The following MKI67 variants were observed in gnomAD, a reference collection of about 807,000 sequenced individuals.
MKI67 encodes marker of proliferation Ki-67, also known as proliferation marker protein Ki-67.
A neutral mutation model predicts 233.5 loss-of-function variants in MKI67; 152 were observed. The observed-to-expected ratio is 0.65, with a 90% CI of 0.57 to 0.74. MKI67 has a LOEUF of 0.74. MKI67 is among the 30% of genes least tolerant of loss of function. The pLI, the probability that MKI67 is intolerant of heterozygous loss-of-function variation, is 0.00. For synonymous variants in MKI67, 1,465 were observed against 1,418.5 expected (o/e 1.03, Z -0.74); for missense variants, 3,940 against 3,885.2 (o/e 1.01, Z -0.37).
At position 128,110,414 on chromosome 10, in the gene MKI67, C is replaced by A; in HGVS notation, c.2380G>T (p.Gly794Ter). ...LGKQFQGTDSGEEPLLPTSES... is the reference protein window; with the variant it reads ...LGKQFQGTDS ...GAGGTGGGGAGCAGAGGTTCTTCTC[C>A]TGAATCAGTTCCTTGAAACTGTTTT... The change falls in exon 12 of 15, where the codon GGA becomes TGA. Residue 794 changes from glycine (G) to a stop codon, truncating the protein, a stop_gained. Coordinates refer to ENST00000368654, the MANE Select transcript of MKI67 (RefSeq NM_002417.5). LOFTEE classifies it high-confidence loss of function. 2 of 1,580,154 alleles carry A rather than the reference C, an allele frequency of 1.3e-6. No homozygotes were observed. Among genetic ancestry groups the A allele is most frequent in the South Asian group, 1.1e-5 (1 of 87,858 alleles).
At chr10:128,111,372 T>A (rs1482452854) in intron 11 of MKI67, 1 of 306,122 alleles carries the variant, frequency 3.3e-6, no homozygotes. Context: ...TCCAGCTTTC[T>A]ATGTATACGC....
In MKI67 at chr10:128,107,751, C is replaced by T; in HGVS notation, c.4089G>A (p.Val1363=). 1 of 1,613,780 alleles carries T rather than the reference C, an allele frequency of 6.2e-7. No individual in the cohort carries two copies. The highest frequency in any genetic ancestry group is 8.5e-7 in the Non-Finnish European group (1 of 1,179,964). ...GCATTTTAGTAGTTTTGCCAGCAGC[C>T]ACTGCTTCTTCAGTATGACCAGGGG... ...FQTPGHTEEA[V]AAGKTTKMPC... is the part of the protein sequence containing the mutation. The change falls in exon 13 of 15, where the codon GTG becomes GTA. Residue 1363 remains valine, a synonymous_variant. Coordinates refer to ENST00000368654, the MANE Select transcript of MKI67 (RefSeq NM_002417.5).
chr10:128,118,955 G>A (rs1852868159), intron 5 of MKI67, among the ~76,000 whole-genome samples: 2 of 152,320 alleles, frequency 1.3e-5, no homozygotes, highest in African/African-American at 2.4e-5. Flanking sequence ...AGCTCTACGT[G>A]TTGGGGTTAT....
At position 128,114,971 on chromosome 10, in the gene MKI67, A is replaced by C. The variant is rs547135488; in HGVS notation, c.1437T>G (p.Pro479=). The change falls in exon 7 of 15, where the codon CCT becomes CCG. Residue 479 remains proline (P), a synonymous_variant. Coordinates refer to ENST00000368654, the MANE Select transcript of MKI67 (RefSeq NM_002417.5). ...TGTTGATATCAACTGAACTAAGACC[A>C]GGTAACCCAGAGCACATCTGTCCAG... ...TTAGQMCSGL[P]GLSSVDINNF... is the part of the protein sequence containing the mutation. 1 of 1,586,940 alleles carries C rather than the reference A, an allele frequency of 6.3e-7. No individual in the cohort carries two copies. Among genetic ancestry groups the C allele is most frequent in the South Asian group, 1.1e-5 (1 of 88,546 alleles).
In MKI67 at chr10:128,125,629, G is replaced by A; in HGVS notation, c.39C>T (p.Ser13=). Residue 13 remains serine, a synonymous_variant, in exon 2 of 15, where the codon AGC becomes AGT. Coordinates refer to ENST00000368654, the MANE Select transcript of MKI67 (RefSeq NM_002417.5). The surrounding 1 kb of genome is among the most constrained non-coding windows in gnomAD (Gnocchi z 5.3). The stretch of plus-strand genomic sequence containing the variant: ...GGGGAAAGTGGGGACCGTCGACCCC[G>A]CTCCTTTTGATAGTAACCAGGCGTC... ...PTRRLVTIKR[S]GVDGPHFPLS... is the part of the protein sequence containing the mutation. 2.5e-6 allele frequency: 4 copies of A among 1,613,728 alleles called. No individual in the cohort carries two copies. Among genetic ancestry groups the A allele is most frequent in the Non-Finnish European group, 3.4e-6 (4 of 1,179,868 alleles).
Position 128,102,691 on chromosome 10 carries a change from C to G in MKI67, c.9149G>C (p.Arg3050Thr). The change falls in exon 13 of 15, where the codon AGA becomes ACA. Residue 3050 changes from arginine to threonine, a missense_variant. By Grantham distance (71) the Arg-to-Thr change is moderately conservative (BLOSUM62 -1). Transcript: ENST00000368654. Reference sequence around the variant, plus strand: ...TCTTTTTGCAGAAGTCCTCAAACTTCTCTTCATGATGACCACGGGTTCGGA... The same window carrying G: ...TCTTTTTGCAGAAGTCCTCAAACTTGTCTTCATGATGACCACGGGTTCGGA... ...KSSEPVVIMK[R>T]SLRTSAKRIE... The G allele has an allele frequency of 9.9e-6, 16 of 1,614,236 alleles. No individual in the cohort carries two copies. The highest frequency in any genetic ancestry group is 1.4e-5 in the Non-Finnish European group (16 of 1,180,040).
chr10:128,110,849 C>A (rs1411138429), intron 11 of MKI67, among the ~76,000 whole-genome samples: 1 of 152,194 alleles, frequency 6.6e-6, no homozygotes, highest in Non-Finnish European at 1.5e-5. Flanking sequence ...TGGTGACGGG[C>A]TCCTGAGACC....
rs1852271361 is a variant in MKI67 at position 128,098,830 on chromosome 10, C to T, written c.*360G>A. 1 of 171,066 alleles carries T rather than the reference C, an allele frequency of 5.8e-6. No homozygotes were observed. Among genetic ancestry groups the T allele is most frequent in the Non-Finnish European group, 1.2e-5 (1 of 80,592 alleles). The allele number at this position is 171,066 out of a possible 1,614,324, so 10.6% of individuals were successfully genotyped here. A position where few individuals can be genotyped will look rare whatever the true frequency, so the allele number is the denominator to read the frequency against. ...AGGATAGTTGTTCCTGCCACCGTGC[C>T]CTGGAGGACATAGGCAAACAAACGA... On this transcript the variant is annotated 3_prime_UTR_variant, in exon 15 of 15. Coordinates refer to ENST00000368654, the MANE Select transcript of MKI67 (RefSeq NM_002417.5).
At position 128,101,577 on chromosome 10, in the gene MKI67, G is replaced by A. The variant is rs746492931; in HGVS notation, c.9386C>T (p.Pro3129Leu). ...ATCTGGATTCTGAATGTCCATCTCT[G>A]GGGAGGTCTTCATGGGCTTCTTTTC... Reference protein sequence around the residue: ...RNEKKPMKTSPEMDIQNPDDG... With the variant: ...RNEKKPMKTSLEMDIQNPDDG... Residue 3129 changes from proline to leucine, a missense_variant, in exon 14 of 15, where the codon CCA becomes CTA. Coordinates refer to ENST00000368654, the MANE Select transcript of MKI67 (RefSeq NM_002417.5). 3.7e-6 allele frequency: 6 copies of A among 1,614,046 alleles called. No homozygotes were observed. The East Asian group carries it at 1.1e-4, about 30-fold the overall frequency.
At chr10:128,117,892 C>G (rs541382891) in intron 5 of MKI67, among the ~76,000 whole-genome samples, 3 of 152,364 alleles carry the variant, frequency 2.0e-5, no homozygotes, top group African/African-American at 7.2e-5. Context: ...ATATCACAGA[C>G]CAGTAACAGA....
chr10:128,113,379 G>C (rs748424711), intron 8 of MKI67, 48 bp downstream of exon 8: 2 of 1,572,044 alleles, frequency 1.3e-6, no homozygotes, highest in Non-Finnish European at 1.7e-6. Flanking sequence ...ATAGGTACCC[G>C]GTGTGTGAGC....
In MKI67 at chr10:128,106,044, T is replaced by C. The variant is rs1467465347; in HGVS notation, c.5796A>G (p.Gly1932=). Residue 1932 remains glycine, a synonymous_variant, in exon 13 of 15, where the codon GGA becomes GGG. Transcript: ENST00000368654. ...GTPVEKLDLL[G]NLPGSKRRPQ... is the part of the protein sequence containing the mutation. Reference sequence around the variant, plus strand: ...GCCGTCTCTTGCTGCCAGGTAAATTTCCTAGCAGGTCCAGTTTCTCCACTG... The same window carrying C: ...GCCGTCTCTTGCTGCCAGGTAAATTCCCTAGCAGGTCCAGTTTCTCCACTG... The C allele has an allele frequency of 6.2e-7, 1 of 1,614,110 alleles. No individual in the cohort carries two copies. Among genetic ancestry groups the C allele is most frequent in the Non-Finnish European group, 8.5e-7 (1 of 1,180,006 alleles).
rs768327792 is a variant in MKI67 at position 128,104,891 on chromosome 10, C to T, written c.6949G>A (p.Ala2317Thr). The T allele has an allele frequency of 5.0e-6, 8 of 1,611,736 alleles. No individual in the cohort carries two copies. The South Asian group carries it at 5.5e-5, about 11-fold the overall frequency. ...GTCTGGAAGAGCTCTTTGAAGCCAGCCAGGTCTTCTAGAGCCTGGGCCTTT... is the reference window on the plus strand; with the variant it reads ...GTCTGGAAGAGCTCTTTGAAGCCAGTCAGGTCTTCTAGAGCCTGGGCCTTT... ...KEKAQALEDL[A>T]GFKELFQTPG... is the part of the protein sequence containing the mutation. Residue 2317 changes from alanine to threonine, a missense_variant, in exon 13 of 15, where the codon GCT becomes ACT. By Grantham distance (58) the Ala-to-Thr change is moderately conservative. Coordinates refer to ENST00000368654, the MANE Select transcript of MKI67 (RefSeq NM_002417.5).
At chr10:128,118,956 T>C (rs1286103391) in intron 5 of MKI67, among the ~76,000 whole-genome samples, 1 of 152,182 alleles carries the variant, frequency 6.6e-6, no homozygotes. Flanking sequence ...GCTCTACGTG[T>C]TGGGGTTATC....
rs572536493 is a variant in MKI67 at position 128,109,039 on chromosome 10, T to C, written c.2801A>G (p.Glu934Gly). 5.0e-6 allele frequency: 8 copies of C among 1,614,182 alleles called. No homozygotes were observed. The East Asian group carries it at 1.8e-4, about 36-fold the overall frequency. ...ATCGTTTTCTTTTAATTCAATATTT[T>C]CCTTATATGTCTCAAAAGGTCTTTC... ...EIERPFETYK[E>G]NIELKENDEK... The change falls in exon 13 of 15, where the codon GAA (glutamate) becomes GGA (glycine). Residue 934 changes from glutamate to glycine, a missense_variant. Physicochemically the swap from Glu to Gly is moderately conservative, Grantham distance 98. Transcript: ENST00000368654.
chr10:128,101,223 T>C, intron 14 of MKI67, 35 bp downstream of exon 14: 1 of 1,585,508 alleles, frequency 6.3e-7, no homozygotes, highest in Non-Finnish European at 8.6e-7. Flanking sequence ...AAACATTCTG[T>C]GTCTTTTAAA....
intron 14 of MKI67, among the ~76,000 whole-genome samples, chr10:128,100,373 T>C (rs966646898): frequency 6.6e-5 from 10 of 152,014 alleles, no homozygotes; most frequent in African/African-American, 2.4e-4. Context: ...TTTCCTTTTC[T>C]TGGCAGTTGA....
Position 128,104,530 on chromosome 10 carries a change from AG to A in MKI67, c.7309del (p.Leu2437TrpfsTer18). On this transcript the variant is annotated frameshift_variant, in exon 13 of 15. Coordinates refer to ENST00000368654, the MANE Select transcript of MKI67 (RefSeq NM_002417.5). LOFTEE classifies it high-confidence loss of function. ...CTGGAAGAGTTCTTTGAAGCCAACC[AG>A]GTCCTCTAGAGCCTCAGCCTTTTCC... Reference protein sequence around the residue: ...PKEKAEALEDLVGFKELFQTP... With the variant: ...PKEKAEALEDXVGFKELFQTP... 7.4e-6 allele frequency: 12 copies of A among 1,614,170 alleles called. No homozygotes were observed. The highest frequency in any genetic ancestry group is 1.0e-5 in the Non-Finnish European group (12 of 1,180,032).
At chr10:128,109,789 A>G (rs551456444) in intron 12 of MKI67, among the ~76,000 whole-genome samples, 2 of 152,350 alleles carry the variant, frequency 1.3e-5, no homozygotes, top group African/African-American at 2.4e-5. Context: ...TAAATCGCCA[A>G]TAAAATAACA....
Sources: allele counts gnomAD v4.1 joint callset (sites outside exome capture counted in the v4.1 genomes callset), GRCh38; gene constraint gnomAD v4.1.1; non-coding constraint Gnocchi (gnomAD v3.1); transcripts MANE v1.5; gene names NCBI Gene and HGNC (gene_info 2026-07-23, HGNC 2026-07-21).